Variants in SNX24 observed in about 807,000 individuals in gnomAD.
SNX24 encodes sorting nexin 24.
SNX24 carries 22 observed loss-of-function variants against 28.7 expected under a neutral mutation model. That is an observed-to-expected ratio of 0.77 (90% CI 0.55 to 1.10). The LOEUF is 1.10. SNX24 is among the 50% of genes least tolerant of loss of function. The pLI is 0.00. For synonymous variants in SNX24, 69 were observed against 71.5 expected, an observed-to-expected ratio of 0.96 and a Z score of 0.18; for missense variants, 221 against 201.1, an observed-to-expected ratio of 1.10 and a Z score of -0.60.
chr5:122,955,294 C>T (rs1256712405), intron 3 of SNX24, among the ~76,000 whole-genome samples: 1 of 151,976 alleles, frequency 6.6e-6, no homozygotes, highest in Non-Finnish European at 1.5e-5. Flanking sequence ...TGTTTTGTTT[C>T]AAATGTATTT....
chr5:122,935,295 G>A (rs552649955), intron 1 of SNX24, among the ~76,000 whole-genome samples: 2 of 151,976 alleles, frequency 1.3e-5, no homozygotes, highest in Non-Finnish European at 2.9e-5. Flanking sequence ...TTTTCTTGAG[G>A]TGTTTTCCTG....
At chr5:122,964,127 C>A (rs913291795) in intron 3 of SNX24, among the ~76,000 whole-genome samples, 5 of 151,304 alleles carry the variant, frequency 3.3e-5, no homozygotes, top group Non-Finnish European at 7.4e-5. Flanking sequence ...CCTGTAATCC[C>A]AGCTACTTGG....
chr5:122,944,437 T>C (rs79279172), intron 2 of SNX24, among the ~76,000 whole-genome samples: 12 of 11,142 alleles, frequency 1.1e-3, no homozygotes, highest in Admixed American at 2.6e-3. Flanking sequence ...ATTTTTTTTT[T>C]CCCCCAAAAA....
At chr5:122,916,372 C>G (rs1459699580) in intron 1 of SNX24, among the ~76,000 whole-genome samples, 4 of 152,200 alleles carry the variant, frequency 2.6e-5, no homozygotes, top group African/African-American at 4.8e-5. Context: ...ATTTCCTTGG[C>G]CCCCTCTTAA....
intron 1 of SNX24, among the ~76,000 whole-genome samples, chr5:122,881,598 C>T (rs2150061228): frequency 6.6e-6 from 1 of 152,246 alleles, no homozygotes; most frequent in Non-Finnish European, 1.5e-5. Flanking sequence ...ACTTAGCGTG[C>T]TTGACTCTGG....
At chr5:122,967,759 T>G (rs1311801157) in intron 3 of SNX24, among the ~76,000 whole-genome samples, 1 of 152,158 alleles carries the variant, frequency 6.6e-6, no homozygotes, top group Non-Finnish European at 1.5e-5. Flanking sequence ...AGTTATATTA[T>G]CTGCATTCAC....
At position 122,884,395 on chromosome 5, in the gene SNX24, C is replaced by T. The variant is rs781504327; in HGVS notation, c.60+38702C>T. Reference sequence around the variant, plus strand: ...GACTCCCGAATAGTTGGGTGGAATGCGCCACCACCTCTGGCTAATTTTTGT... The same window carrying T: ...GACTCCCGAATAGTTGGGTGGAATGTGCCACCACCTCTGGCTAATTTTTGT... On this transcript the variant is annotated intron_variant, in intron 1 of 6. Coordinates refer to ENST00000261369, the MANE Select transcript of SNX24 (RefSeq NM_014035.4). Among the ~76,000 whole-genome samples, 8 of 151,322 alleles carry T rather than the reference C, an allele frequency of 5.3e-5. No homozygotes were observed. The East Asian group carries it at 1.2e-3, about 22-fold the overall frequency.
intron 1 of SNX24, among the ~76,000 whole-genome samples, chr5:122,847,814 A>AT (rs575196816): frequency 2.0e-5 from 3 of 152,052 alleles, no homozygotes; most frequent in South Asian, 4.2e-4. Context: ...TTCTGAAGGG[A>AT]TTTTTTTGCT....
At chr5:122,968,901 C>T (rs1271960204) in intron 3 of SNX24, among the ~76,000 whole-genome samples, 4 of 151,796 alleles carry the variant, frequency 2.6e-5, no homozygotes, top group Admixed American at 1.3e-4. Context: ...CTAGTTGGCA[C>T]AGTAGTATCT....
At chr5:122,963,731 A>T (rs1356484489) in intron 3 of SNX24, among the ~76,000 whole-genome samples, 2 of 152,196 alleles carry the variant, frequency 1.3e-5, no homozygotes, top group African/African-American at 4.8e-5. Context: ...CTCCAGTTTA[A>T]TCCAAGGAAG....
chr5:122,859,604 A>G (rs1755363647), intron 1 of SNX24, among the ~76,000 whole-genome samples: 1 of 152,152 alleles, frequency 6.6e-6, no homozygotes, highest in African/African-American at 2.4e-5. Flanking sequence ...ACTATCTCAA[A>G]TAATAAATAA....
chr5:122,964,146 G>C (rs907183138), intron 3 of SNX24, among the ~76,000 whole-genome samples: 5 of 150,926 alleles, frequency 3.3e-5, no homozygotes, highest in African/African-American at 1.2e-4. Context: ...GGGAGGCTGA[G>C]GCAGGAGAAT....
intron 1 of SNX24, among the ~76,000 whole-genome samples, chr5:122,871,912 C>A (rs1015845596): frequency 1.3e-5 from 2 of 152,100 alleles, no homozygotes; most frequent in Non-Finnish European, 2.9e-5. Flanking sequence ...TTGTGCAAGT[C>A]ATTTAACTTC....
intron 1 of SNX24, among the ~76,000 whole-genome samples, chr5:122,880,864 A>T (rs1208324573): frequency 6.6e-6 from 1 of 152,144 alleles, no homozygotes; most frequent in Non-Finnish European, 1.5e-5. Flanking sequence ...CATCAGAGAA[A>T]TCTCCCCTGG....
intron 3 of SNX24, among the ~76,000 whole-genome samples, chr5:122,964,441 A>G (rs989133826): frequency 6.6e-6 from 1 of 151,876 alleles, no homozygotes; most frequent in Non-Finnish European, 1.5e-5. Context: ...TAACTAATAA[A>G]TATTAATAGT....
Position 122,850,790 on chromosome 5 carries a change from T to TA in SNX24, c.60+5115dup, listed in dbSNP as rs151007728. Reference sequence around the variant, plus strand: ...CTAAGGGGACATTCAGCATAAAAGTTAAAAAAAAAAAAAAAAAACCCACAG... The same window carrying TA: ...CTAAGGGGACATTCAGCATAAAAGTTAAAAAAAAAAAAAAAAAAACCCACAG... On this transcript the variant is annotated intron_variant, in intron 1 of 6. Transcript: ENST00000261369. Among the ~76,000 whole-genome samples the TA allele has an allele frequency of 1.1e-3, 154 of 137,300 alleles. 3 individuals carry two copies. Among genetic ancestry groups the TA allele is most frequent in the South Asian group, 2.3e-3 (10 of 4,268 alleles). The allele number at this position is 137,300 out of a possible 152,430, so 90.1% of individuals were successfully genotyped here.
At chr5:122,970,669 C>T (rs1385837429) in intron 3 of SNX24, among the ~76,000 whole-genome samples, 2 of 152,136 alleles carry the variant, frequency 1.3e-5, no homozygotes, top group Non-Finnish European at 2.9e-5. Context: ...AGGGTTTCAC[C>T]GTGTTAGCCA....
At chr5:122,889,261 A>C (rs1581709094) in intron 1 of SNX24, among the ~76,000 whole-genome samples, 1 of 151,988 alleles carries the variant, frequency 6.6e-6, no homozygotes, top group Non-Finnish European at 1.5e-5. Flanking sequence ...ACATCTTTCC[A>C]CTTTTGCTTT....
intron 1 of SNX24, among the ~76,000 whole-genome samples, chr5:122,913,435 C>T (rs895506864): frequency 1.2e-4 from 18 of 148,944 alleles, no homozygotes; most frequent in African/African-American, 2.5e-4. Flanking sequence ...GCTGGCCGGG[C>T]GGGGGGCTGA....
Sources: gnomAD v4.1 joint callset for allele counts (sites outside exome capture counted in the v4.1 genomes callset) on GRCh38, gnomAD v4.1.1 for gene constraint, MANE v1.5 for transcripts, NCBI Gene and HGNC (gene_info 2026-07-23, HGNC 2026-07-21) for gene names.